Variants in RAD54B observed in about 807,000 individuals in gnomAD.
RAD54B encodes DNA repair and recombination protein RAD54B.
RAD54B carries 78 observed loss-of-function variants against 95.8 expected under a neutral mutation model. The observed-to-expected ratio is 0.81, with a 90% confidence interval of 0.68 to 0.98. The LOEUF (loss-of-function observed/expected upper bound fraction) is 0.98, where lower values mean the gene tolerates loss of function less well. Among genes scored for constraint, RAD54B ranks in the 50% least tolerant of loss-of-function variants. The pLI is 0.00. For missense variants in RAD54B, 957 were observed against 1,056.6 expected (o/e 0.91, Z 1.31); for synonymous variants, 328 against 354.9 (o/e 0.92, Z 0.85).
At position 94,464,734 on chromosome 8, in the gene RAD54B, T is replaced by C. The variant is rs904731441; in HGVS notation, c.135+2671A>G. Among the ~76,000 whole-genome samples the C allele has an allele frequency of 2.6e-5, 4 of 152,188 alleles. No homozygotes were observed. In the South Asian group the frequency reaches 8.3e-4, roughly 32 times the overall value. On this transcript the variant is annotated intron_variant, in intron 2 of 14. Transcript: ENST00000336148. ...GTTTGCATTGCTATAAAGGAATACC[T>C]GAGACAGGTAATTTATAAAGAAAAG...
At chr8:94,378,762 T>C in intron 12 of RAD54B, 128 bp from the exon 13 acceptor site, 1 of 649,420 alleles carries the variant, frequency 1.5e-6, no homozygotes, top group South Asian at 2.1e-5. Flanking sequence ...AGAAAACAAA[T>C]CTCAGGTGTG....
chr8:94,447,227 T>A (rs1182832198), intron 3 of RAD54B, among the ~76,000 whole-genome samples: 2 of 152,140 alleles, frequency 1.3e-5, no homozygotes, highest in African/African-American at 4.8e-5. Flanking sequence ...ACAGACCTAC[T>A]CTATATAATC....
At chr8:94,385,761 G>A (rs1350231353) in intron 11 of RAD54B, among the ~76,000 whole-genome samples, 2 of 152,182 alleles carry the variant, frequency 1.3e-5, no homozygotes, top group African/African-American at 4.8e-5. Flanking sequence ...GCTTAACAAA[G>A]AGAAAAAGTT....
In RAD54B at chr8:94,412,366, T is replaced by C. The variant is rs574850341; in HGVS notation, c.305-1051A>G. Among the ~76,000 whole-genome samples, 8 of 40,706 alleles carry C rather than the reference T, an allele frequency of 2.0e-4. No homozygotes were observed. The East Asian group carries it at 2.6e-3, about 13-fold the overall frequency. The allele number at this position is 40,706 out of a possible 152,430, so 26.7% of individuals were successfully genotyped here. A position where few individuals can be genotyped will look rare whatever the true frequency, so the allele number is the denominator to read the frequency against. On this transcript the variant is annotated intron_variant, in intron 3 of 14. Coordinates refer to ENST00000336148, the MANE Select transcript of RAD54B (RefSeq NM_012415.3). ...TGCAGATATCTCTTCAACATGCCAA[T>C]TTCATTTTTTTTTTTTTTGGCTATA...
At chr8:94,438,332 G>A (rs1586023919) in intron 3 of RAD54B, among the ~76,000 whole-genome samples, 1 of 152,294 alleles carries the variant, frequency 6.6e-6, no homozygotes, top group Non-Finnish European at 1.5e-5. Flanking sequence ...ATGTTGTCTG[G>A]TATACGCTAC....
In RAD54B at chr8:94,383,053, T is replaced by C. The variant is rs1310871852; in HGVS notation, c.1986-2647A>G. 4.6e-5 allele frequency among the ~76,000 whole-genome samples: 7 copies of C among 152,032 alleles called. No individual in the cohort carries two copies. The East Asian group carries it at 1.3e-3, about 29-fold the overall frequency. ...GGCTCACACCTGTAATCCCAGCACTTTGGGAGGCCAAGGGGGGTGGGTCAC... is the reference window on the plus strand; with the variant it reads ...GGCTCACACCTGTAATCCCAGCACTCTGGGAGGCCAAGGGGGGTGGGTCAC... On this transcript the variant is annotated intron_variant, in intron 11 of 14. Coordinates refer to ENST00000336148, the MANE Select transcript of RAD54B (RefSeq NM_012415.3).
chr8:94,411,023 A>G, intron 4 of RAD54B, 98 bp downstream of exon 4: 2 of 881,082 alleles, frequency 2.3e-6, no homozygotes, highest in Non-Finnish European at 3.5e-6. Context: ...AGAATACCTT[A>G]TCATCTCTTT....
chr8:94,466,204 AAATT>A (rs1286598260), intron 2 of RAD54B, among the ~76,000 whole-genome samples: 1 of 152,176 alleles, frequency 6.6e-6, no homozygotes, highest in Admixed American at 6.5e-5. Flanking sequence ...AAGAGGGAAA[AAATT>A]AATAGACTTT....
At chr8:94,437,036 A>C (rs938802334) in intron 3 of RAD54B, 3 of 1,342,002 alleles carry the variant, frequency 2.2e-6, no homozygotes, top group Non-Finnish European at 2.9e-6. Context: ...AAGCTGACGC[A>C]GGTTCAGGAA....
rs146883311 is a variant in RAD54B, at chr8:94,382,146, T to G, written c.1986-1740A>C. Among the ~76,000 whole-genome samples, 505 of 149,640 alleles carry G rather than the reference T, an allele frequency of 3.4e-3. 4 individuals carry two copies. The highest frequency in any genetic ancestry group is 0.012 in the African/African-American group (478 of 40,770). On this transcript the variant is annotated intron_variant, in intron 11 of 14. Coordinates refer to ENST00000336148, the MANE Select transcript of RAD54B (RefSeq NM_012415.3). ...AAAAAAAAAAGAGAGCGAGAAAGGA[T>G]ATCTCCCAGACATGGAGTCTTCAGA...
intron 14 of RAD54B, among the ~76,000 whole-genome samples, chr8:94,376,675 T>C (rs2515154): frequency 0.48 from 70,829 of 148,834 alleles, 18,002 homozygotes; most frequent in Non-Finnish European, 0.59. Context: ...TTAACTACCA[T>C]AAATATTATA....
chr8:94,447,290 CTGTT>C (rs1164776990), intron 3 of RAD54B, among the ~76,000 whole-genome samples: 2 of 152,178 alleles, frequency 1.3e-5, no homozygotes, highest in Non-Finnish European at 2.9e-5. Context: ...TTAAGGATCT[CTGTT>C]TGGCCAAGTC....
At chr8:94,432,719 G>A in intron 3 of RAD54B, 1 of 1,381,102 alleles carries the variant, frequency 7.2e-7, no homozygotes, top group South Asian at 2.0e-5. Flanking sequence ...TATATTTATA[G>A]CATAATTTTA....
rs773598856 is a variant in RAD54B, at chr8:94,400,455, CCATT to C, written c.949_952del (p.Asn317AlafsTer13). ...ATCAGCAAGAATAGCTCCACATCTGCCATTCATTCTGTTAGAAATAATTTTACTT... is the reference window on the plus strand; with the variant it reads ...ATCAGCAAGAATAGCTCCACATCTGCCATTCTGTTAGAAATAATTTTACTT... On this transcript the variant is annotated frameshift_variant, in exon 7 of 15. Transcript: ENST00000336148. LOFTEE classifies it high-confidence loss of function. The C allele has an allele frequency of 2.5e-6, 4 of 1,603,218 alleles. No homozygotes were observed. Among genetic ancestry groups the C allele is most frequent in the Non-Finnish European group, 3.4e-6 (4 of 1,174,390 alleles).
intron 9 of RAD54B, chr8:94,393,516 GA>G (rs1811070703): frequency 5.1e-6 from 2 of 395,836 alleles, no homozygotes; most frequent in Non-Finnish European, 8.9e-6. Flanking sequence ...TAGTAAAGAT[GA>G]ACATTTTTAT....
At chr8:94,382,480 A>T (rs527425051) in intron 11 of RAD54B, among the ~76,000 whole-genome samples, 31 of 152,178 alleles carry the variant, frequency 2.0e-4, no homozygotes, top group Admixed American at 5.2e-4. Context: ...TTTCAGATGT[A>T]CAAGAAGTCA....
chr8:94,429,868 T>A (rs1219069271), intron 3 of RAD54B: 3 of 985,308 alleles, frequency 3.0e-6, no homozygotes, highest in Non-Finnish European at 3.6e-6. Context: ...TTTCTATTTC[T>A]ATAGCCATAA....
At chr8:94,387,247 T>C in intron 10 of RAD54B, 88 bp from the exon 11 acceptor site, 1 of 1,122,126 alleles carries the variant, frequency 8.9e-7, no homozygotes, top group South Asian at 1.7e-5. Context: ...AGGAAAAAGG[T>C]GAAGATTAAC....
intron 6 of RAD54B, among the ~76,000 whole-genome samples, chr8:94,402,014 C>T (rs774517679): frequency 6.6e-5 from 10 of 152,070 alleles, no homozygotes; most frequent in Non-Finnish European, 1.2e-4. Flanking sequence ...GAAGCTAGCA[C>T]GGCAGGTAGA....
Sources: gnomAD v4.1 joint callset for allele counts (sites outside exome capture counted in the v4.1 genomes callset) on GRCh38, gnomAD v4.1.1 for gene constraint, MANE v1.5 for transcripts, NCBI Gene and HGNC (gene_info 2026-07-23, HGNC 2026-07-21) for gene names.